Variants in TENT4B observed in about 807,000 individuals in gnomAD.
TENT4B encodes the protein terminal nucleotidyltransferase 4B, also known as PAP associated domain containing 5.
In TENT4B, 10 loss-of-function variants were observed where a neutral mutation model predicts 75.0. That is an observed-to-expected ratio of 0.13 (90% confidence interval 0.08 to 0.23). The LOEUF is 0.23. TENT4B is among the 10% of genes least tolerant of loss of function. The probability of loss-of-function intolerance (pLI) is 1.00; values close to 1 mark genes in which losing one functional copy is unlikely to be tolerated. For synonymous variants in TENT4B, 350 were observed against 357.7 expected, an observed-to-expected ratio of 0.98 and a Z score of 0.24; for missense variants, 579 against 893.8, an observed-to-expected ratio of 0.65 and a Z score of 4.49.
intron 1 of TENT4B, among the ~76,000 whole-genome samples, chr16:50,194,919 T>C (rs1333644712): frequency 6.6e-6 from 1 of 151,910 alleles, no homozygotes; most frequent in Non-Finnish European, 1.5e-5. Context: ...CGGCTAATTT[T>C]TTGTATTTTT....
At chr16:50,185,968 G>A (rs941143589) in intron 1 of TENT4B, among the ~76,000 whole-genome samples, 2 of 152,000 alleles carry the variant, frequency 1.3e-5, no homozygotes, top group Non-Finnish European at 2.9e-5. Context: ...TTCTGTAGTG[G>A]TGTTTCTCAA....
In TENT4B at chr16:50,225,094, T is replaced by C. The variant is rs2031989960; in HGVS notation, c.1613-4T>C. 1 of 1,609,982 alleles carries C rather than the reference T, an allele frequency of 6.2e-7. No homozygotes were observed. Among genetic ancestry groups the C allele is most frequent in the Non-Finnish European group, 8.5e-7 (1 of 1,177,328 alleles). ...CGTTTTCCAATCTTTTGCCACTCTT[T>C]CAGGAAATGGTGTTACCTTGATAGT... On this transcript the variant is annotated splice_region_variant and splice_polypyrimidine_tract_variant and intron_variant, in intron 9 of 11. Transcript: ENST00000561678.
chr16:50,153,060 C>G (rs1567467898), upstream of TENT4B: 12 of 1,465,832 alleles, frequency 8.2e-6, no homozygotes, highest in Non-Finnish European at 1.1e-5. Context: ...ACAGATGGCG[C>G]AAGTACGGTT....
intron 1 of TENT4B, among the ~76,000 whole-genome samples, chr16:50,154,711 T>C (rs1463335490): frequency 6.6e-6 from 1 of 152,144 alleles, no homozygotes; most frequent in Non-Finnish European, 1.5e-5. Flanking sequence ...TGAGTGTTTT[T>C]TGATGGTGCA....
At chr16:50,175,509 G>A (rs564244502) in intron 1 of TENT4B, among the ~76,000 whole-genome samples, 1 of 152,108 alleles carries the variant, frequency 6.6e-6, no homozygotes, top group Admixed American at 6.5e-5. Flanking sequence ...TTTTTGAGAT[G>A]GAGTCTCGCT....
intron 10 of TENT4B, among the ~76,000 whole-genome samples, chr16:50,227,631 A>G (rs1304577401): frequency 2.0e-5 from 3 of 152,242 alleles, no homozygotes; most frequent in Admixed American, 2.0e-4. Flanking sequence ...TGGATTTAAC[A>G]ATGAACAGAA....
Position 50,233,092 on chromosome 16 carries a change from ATGC to A in TENT4B, c.*3765_*3767del. The stretch of plus-strand genomic sequence containing the variant: ...ATTTTATGAGCAAAATATTCTATAA[ATGC>A]GTCTAACAAACCTAATTGAATATAA... On this transcript the variant is annotated 3_prime_UTR_variant, in exon 12 of 12. Transcript: ENST00000561678. The A allele has an allele frequency of 1.0e-6, 1 of 984,196 alleles. No homozygotes were observed. The highest frequency in any genetic ancestry group is 1.7e-5 in the African/African-American group (1 of 57,340). The allele number at this position is 984,196 out of a possible 1,614,324, so 61.0% of individuals were successfully genotyped here.
chr16:50,224,498 T>G (rs1482795068), intron 7 of TENT4B, among the ~76,000 whole-genome samples, 159 bp from the exon 8 acceptor site: 2 of 152,132 alleles, frequency 1.3e-5, no homozygotes, highest in Non-Finnish European at 2.9e-5. Flanking sequence ...ATTCACATAT[T>G]CAGAGACTGG....
At chr16:50,208,530 T>C (rs942908314) in intron 1 of TENT4B, among the ~76,000 whole-genome samples, 1 of 151,532 alleles carries the variant, frequency 6.6e-6, no homozygotes, top group Non-Finnish European at 1.5e-5. Context: ...CTGTGATCAT[T>C]GGAAAGCTCT....
chr16:50,206,909 GT>G (rs11459737), intron 1 of TENT4B, among the ~76,000 whole-genome samples: 4 of 146,776 alleles, frequency 2.7e-5, no homozygotes. Context: ...ACAGAAGTTT[GT>G]TTTTTTTTTT....
chr16:50,181,221 G>A (rs1184369216), intron 1 of TENT4B, among the ~76,000 whole-genome samples: 1 of 152,156 alleles, frequency 6.6e-6, no homozygotes, highest in African/African-American at 2.4e-5. Flanking sequence ...TTATATTGTT[G>A]GAGAGTCACA....
At chr16:50,216,304 C>T (rs1343332794) in intron 4 of TENT4B, 109 bp downstream of exon 4, 1 of 1,373,688 alleles carries the variant, frequency 7.3e-7, no homozygotes, top group Non-Finnish European at 1.0e-6. Flanking sequence ...GTGATTCTTT[C>T]ATTTTGTTAA....
intron 1 of TENT4B, among the ~76,000 whole-genome samples, chr16:50,194,449 A>C (rs1164916737): frequency 6.6e-6 from 1 of 151,798 alleles, no homozygotes; most frequent in East Asian, 1.9e-4. Flanking sequence ...TTCTGACCTC[A>C]GGCGATCCAC....
At chr16:50,223,870 G>A (rs1378947047) in intron 7 of TENT4B, among the ~76,000 whole-genome samples, 2 of 152,146 alleles carry the variant, frequency 1.3e-5, no homozygotes, top group Non-Finnish European at 2.9e-5. Context: ...ATGTCTCTTT[G>A]TGCTTTTTCC....
chr16:50,204,205 G>C (rs1416353301), intron 1 of TENT4B, among the ~76,000 whole-genome samples: 1 of 152,122 alleles, frequency 6.6e-6, no homozygotes, highest in Non-Finnish European at 1.5e-5. Flanking sequence ...CTCATAGTAG[G>C]GAGACCAGTT....
chr16:50,165,058 A>AT (rs5816678), intron 1 of TENT4B, among the ~76,000 whole-genome samples: 63 of 148,354 alleles, frequency 4.2e-4, no homozygotes, highest in African/African-American at 1.3e-3. Context: ...CGTCTGAAAA[A>AT]TTTTTTTTTT....
At chr16:50,160,854 T>G (rs2037990926) in intron 1 of TENT4B, among the ~76,000 whole-genome samples, 1 of 152,236 alleles carries the variant, frequency 6.6e-6, no homozygotes, top group Non-Finnish European at 1.5e-5. Context: ...TAACATTTAG[T>G]GGTGGAAACT....
chr16:50,163,446 C>T (rs1433336931), intron 1 of TENT4B, among the ~76,000 whole-genome samples: 1 of 139,716 alleles, frequency 7.2e-6, no homozygotes, highest in Non-Finnish European at 1.5e-5. Flanking sequence ...GAGATGGAGT[C>T]TCGCTCTGTC....
intron 1 of TENT4B, among the ~76,000 whole-genome samples, chr16:50,183,511 C>T: frequency 8.5e-6 from 1 of 117,006 alleles, no homozygotes; most frequent in South Asian, 3.1e-4. Context: ...TACTTAGTCA[C>T]TTAAAAACCC....
Sources: allele counts gnomAD v4.1 joint callset (sites outside exome capture counted in the v4.1 genomes callset), GRCh38; gene constraint gnomAD v4.1.1; transcripts MANE v1.5; gene names NCBI Gene and HGNC (gene_info 2026-07-23, HGNC 2026-07-21).